ADCY5: variants seen among roughly 807,000 people sequenced by gnomAD.
ADCY5 encodes the protein adenylate cyclase 5.
In ADCY5, 30 loss-of-function variants were observed where a neutral mutation model predicts 119.7. That is an observed-to-expected ratio of 0.25 (90% confidence interval 0.19 to 0.34). The LOEUF is 0.34. Ranked by LOEUF, ADCY5 falls within the 10% of genes least tolerant of loss-of-function variation. The pLI is 1.00. For synonymous variants in ADCY5, 753 were observed against 762.2 expected (o/e 0.99, Z 0.20); for missense variants, 1,324 against 1,775.2 (o/e 0.75, Z 4.57).
At chr3:123,377,287 C>G (rs1054053434) in intron 1 of ADCY5, among the ~76,000 whole-genome samples, 1 of 152,208 alleles carries the variant, frequency 6.6e-6, no homozygotes, top group African/African-American at 2.4e-5. Flanking sequence ...TGTCATCTCA[C>G]ACCACTTCTT....
intron 3 of ADCY5, among the ~76,000 whole-genome samples, chr3:123,336,492 G>A (rs1006095292): frequency 7.2e-5 from 11 of 152,260 alleles, no homozygotes; most frequent in African/African-American, 2.4e-4. Flanking sequence ...CTGAGGCTAT[G>A]CAGCAAAGGC....
At chr3:123,326,308 T>G (rs1261706383) in intron 7 of ADCY5, among the ~76,000 whole-genome samples, 1 of 152,198 alleles carries the variant, frequency 6.6e-6, no homozygotes, top group Non-Finnish European at 1.5e-5. Flanking sequence ...TATCTGTCTG[T>G]CTGTCTATCC....
At chr3:123,301,994 G>A (rs1426241911) in intron 14 of ADCY5, among the ~76,000 whole-genome samples, 1 of 152,214 alleles carries the variant, frequency 6.6e-6, no homozygotes, top group Non-Finnish European at 1.5e-5. Context: ...GGCCTTCCCT[G>A]CCCTGTCTGT....
chr3:123,419,101 A>G (rs1945246718), intron 1 of ADCY5: 1 of 966,078 alleles, frequency 1.0e-6, no homozygotes, highest in Non-Finnish European at 1.2e-6. Context: ...ATATGTCTAT[A>G]TAAATCCTAA....
intron 1 of ADCY5, among the ~76,000 whole-genome samples, chr3:123,402,217 G>A (rs73858780): frequency 9.2e-5 from 14 of 152,336 alleles, no homozygotes; most frequent in African/African-American, 3.4e-4. Flanking sequence ...AACCACAGTC[G>A]GTTATCAGGG....
At chr3:123,424,302 A>C (rs966822802) in intron 1 of ADCY5, among the ~76,000 whole-genome samples, 5 of 152,178 alleles carry the variant, frequency 3.3e-5, no homozygotes, top group Admixed American at 6.5e-5. Flanking sequence ...TGCTCCTTTC[A>C]TGAGCAGAGT....
intron 1 of ADCY5, among the ~76,000 whole-genome samples, chr3:123,391,783 T>G (rs1944407040): frequency 6.6e-6 from 1 of 152,306 alleles, no homozygotes; most frequent in East Asian, 1.9e-4. Flanking sequence ...CATTCACAAG[T>G]GGGCCACATC....
chr3:123,388,759 A>G (rs965129855), intron 1 of ADCY5, among the ~76,000 whole-genome samples: 3 of 152,130 alleles, frequency 2.0e-5, no homozygotes, highest in African/African-American at 4.8e-5. Flanking sequence ...GGTGAAGGAG[A>G]CCCATCATGT....
chr3:123,364,180 C>T (rs1424132200), intron 1 of ADCY5, among the ~76,000 whole-genome samples: 1 of 151,806 alleles, frequency 6.6e-6, no homozygotes, highest in East Asian at 1.9e-4. Context: ...GAATACTCTC[C>T]AATGTTTCTA....
intron 1 of ADCY5, among the ~76,000 whole-genome samples, chr3:123,363,771 T>C (rs558139192): frequency 3.3e-4 from 50 of 152,290 alleles, no homozygotes; most frequent in Non-Finnish European, 6.6e-4. Flanking sequence ...TAGCCGGGCA[T>C]GGTGGCATGC....
intron 1 of ADCY5, among the ~76,000 whole-genome samples, chr3:123,381,024 G>A (rs549436440): frequency 1.8e-4 from 28 of 152,306 alleles, no homozygotes; most frequent in African/African-American, 6.7e-4. Context: ...CCTCAGTTTT[G>A]TCATATGTAT....
chr3:123,380,192 A>G (rs947842656), intron 1 of ADCY5, among the ~76,000 whole-genome samples: 1 of 152,168 alleles, frequency 6.6e-6, no homozygotes, highest in African/African-American at 2.4e-5. Flanking sequence ...AGCCAGAAAA[A>G]TCCCAGTTGC....
rs562250976 is a variant in ADCY5, at chr3:123,405,316, C to T, written c.1134+42096G>A. On this transcript the variant is annotated intron_variant, in intron 1 of 20. Coordinates refer to ENST00000462833, the MANE Select transcript of ADCY5 (RefSeq NM_183357.3). The stretch of plus-strand genomic sequence containing the variant: ...GGCTGCATGGCCAGGCTCTGAGCAC[C>T]AGTCTAGAGCACAGGATGGAGAAGC... Among the ~76,000 whole-genome samples, 166 of 152,360 alleles carry T rather than the reference C, an allele frequency of 1.1e-3. 1 individual carries two copies. The highest frequency in any genetic ancestry group is 3.6e-3 in the African/African-American group (149 of 41,588).
At chr3:123,301,665 C>T (rs1214423702) in intron 14 of ADCY5, among the ~76,000 whole-genome samples, 2 of 152,202 alleles carry the variant, frequency 1.3e-5, no homozygotes, top group African/African-American at 4.8e-5. Flanking sequence ...GGAGCCAGGA[C>T]CTGCCCACTG....
intron 12 of ADCY5, among the ~76,000 whole-genome samples, chr3:123,313,036 G>A (rs976516925): frequency 3.6e-5 from 5 of 139,528 alleles, no homozygotes; most frequent in African/African-American, 1.3e-4. Context: ...TAAGCCCTAC[G>A]ATGCAGCCTA....
chr3:123,354,365 A>G (rs1342695628), intron 1 of ADCY5, among the ~76,000 whole-genome samples: 2 of 152,216 alleles, frequency 1.3e-5, no homozygotes, highest in East Asian at 3.8e-4. Flanking sequence ...ATGAGGGAAC[A>G]AAGACCTGCG....
intron 12 of ADCY5, among the ~76,000 whole-genome samples, chr3:123,307,390 A>AGACTTAGT (rs1164680823): frequency 6.6e-6 from 1 of 152,230 alleles, no homozygotes; most frequent in East Asian, 1.9e-4. Context: ...GTGGCTATCA[A>AGACTTAGT]GACTTAGTAA....
intron 1 of ADCY5, among the ~76,000 whole-genome samples, chr3:123,376,226 T>C (rs1943828447): frequency 1.3e-5 from 2 of 149,434 alleles, no homozygotes; most frequent in Admixed American, 6.7e-5. Flanking sequence ...AAGGGGCTAC[T>C]GCACACATGC....
At chr3:123,313,069 C>T (rs933487601) in intron 12 of ADCY5, among the ~76,000 whole-genome samples, 12 of 140,258 alleles carry the variant, frequency 8.6e-5, no homozygotes, top group East Asian at 8.0e-4. Context: ...ATACTAGCAA[C>T]GGATGGAGCA....
Sources: gnomAD v4.1 joint callset for allele counts (sites outside exome capture counted in the v4.1 genomes callset) on GRCh38, gnomAD v4.1.1 for gene constraint, MANE v1.5 for transcripts, NCBI Gene and HGNC (gene_info 2026-07-23, HGNC 2026-07-21) for gene names.